ARID1B: variants seen among roughly 807,000 people sequenced by gnomAD.
ARID1B encodes the protein AT-rich interactive domain-containing protein 1B.
In ARID1B, 30 loss-of-function variants were observed where a neutral mutation model predicts 212.3. That is an observed-to-expected ratio of 0.14 (90% confidence interval 0.11 to 0.19). The LOEUF (loss-of-function observed/expected upper bound fraction) is 0.19. Ranked by LOEUF, ARID1B falls within the 10% of genes least tolerant of loss-of-function variation. The pLI is 1.00. For synonymous variants in ARID1B, 1,402 were observed against 1,301.7 expected, an observed-to-expected ratio of 1.08 and a Z score of -1.66; for missense variants, 2,891 against 3,204.0, an observed-to-expected ratio of 0.90 and a Z score of 2.36.
intron 4 of ARID1B, among the ~76,000 whole-genome samples, chr6:157,014,594 T>C (rs888294404): frequency 6.6e-6 from 1 of 152,220 alleles, no homozygotes; most frequent in African/African-American, 2.4e-5. Flanking sequence ...GCAGTTTTTT[T>C]CATCTCACCC....
chr6:156,981,152 G>A lies in ARID1B; in HGVS notation c.2247+45576G>A, dbSNP rs557146996. ...GTGAGCAGTGCTGGTGTGACTGTTA[G>A]AAAGCACTGACTTAGTCTCTTCCTC... On this transcript the variant is annotated intron_variant, in intron 4 of 19. Transcript: ENST00000636930. Among the ~76,000 whole-genome samples the A allele has an allele frequency of 2.6e-5, 4 of 152,322 alleles. No homozygotes were observed. The East Asian group carries it at 7.7e-4, about 29-fold the overall frequency.
At chr6:157,018,327 C>G (rs1430638081) in intron 4 of ARID1B, among the ~76,000 whole-genome samples, 2 of 137,010 alleles carry the variant, frequency 1.5e-5, no homozygotes, top group African/African-American at 5.4e-5. Context: ...AGTGATTGTT[C>G]TGCCTCAGCC....
chr6:157,131,024 G>A (rs1037228768), intron 6 of ARID1B, among the ~76,000 whole-genome samples: 1 of 152,128 alleles, frequency 6.6e-6, no homozygotes, highest in Non-Finnish European at 1.5e-5. Flanking sequence ...CTATGAACTC[G>A]CTTCCATTTG....
At position 156,967,000 on chromosome 6, in the gene ARID1B, A is replaced by AT. The variant is rs1562517008; in HGVS notation, c.2247+31425dup. Reference sequence around the variant, plus strand: ...CAGGCATGAGCCACCATGTCCTGCTATAAATAACTTTTAATAGGCTCTTTT... The same window carrying AT: ...CAGGCATGAGCCACCATGTCCTGCTATTAAATAACTTTTAATAGGCTCTTTT... On this transcript the variant is annotated intron_variant, in intron 4 of 19. Coordinates refer to ENST00000636930, the MANE Select transcript of ARID1B (RefSeq NM_001374828.1). Among the ~76,000 whole-genome samples the AT allele has an allele frequency of 1.9e-3, 290 of 152,322 alleles. 1 individual carries two copies. Among genetic ancestry groups the AT allele is most frequent in the African/African-American group, 6.4e-3 (265 of 41,574 alleles).
rs1184509363 is a variant in ARID1B, at chr6:157,186,361, A to G, written c.3919+1926A>G. 1.7e-5 allele frequency: 8 copies of G among 463,396 alleles called. No individual in the cohort carries two copies. The Admixed American group carries it at 1.9e-4, about 11-fold the overall frequency. The allele number at this position is 463,396 out of a possible 1,614,324, so 28.7% of individuals were successfully genotyped here. ...TGGTATACATTCTTCTCAGTAGTCC[A>G]GATGGAGCCGAGGGCCTGTGACACA... On this transcript the variant is annotated intron_variant, in intron 13 of 19. Coordinates refer to ENST00000636930, the MANE Select transcript of ARID1B (RefSeq NM_001374828.1).
chr6:156,856,135 C>T (rs1784913278), intron 2 of ARID1B, among the ~76,000 whole-genome samples: 1 of 152,102 alleles, frequency 6.6e-6, no homozygotes, highest in South Asian at 2.1e-4. Flanking sequence ...TAGAGCAGTG[C>T]CTGGAGTGAG....
chr6:157,162,637 T>G (rs1443855554), intron 8 of ARID1B, among the ~76,000 whole-genome samples: 4 of 152,322 alleles, frequency 2.6e-5, no homozygotes, highest in Non-Finnish European at 4.4e-5. Context: ...CCAACCAGAT[T>G]TAAATAAAGT....
At chr6:156,848,687 G>C (rs552106143) in intron 2 of ARID1B, among the ~76,000 whole-genome samples, 3 of 152,130 alleles carry the variant, frequency 2.0e-5, no homozygotes, top group Non-Finnish European at 4.4e-5. Context: ...AAAAATACCC[G>C]GTGTGTGGTC....
At chr6:156,912,251 C>T (rs1472867730) in intron 3 of ARID1B, among the ~76,000 whole-genome samples, 2 of 131,584 alleles carry the variant, frequency 1.5e-5, no homozygotes, top group East Asian at 2.8e-4. Context: ...GTGAATCAAA[C>T]CTCTTTTTTT....
At chr6:156,787,804 A>G (rs1779745412) in intron 1 of ARID1B, among the ~76,000 whole-genome samples, 3 of 152,056 alleles carry the variant, frequency 2.0e-5, no homozygotes, top group African/African-American at 7.2e-5. Context: ...TTCTATGATG[A>G]GGCATCCTGA....
At chr6:157,173,738 A>C (rs1364553428) in intron 9 of ARID1B, 3 of 269,602 alleles carry the variant, frequency 1.1e-5, no homozygotes, top group Non-Finnish European at 2.1e-5. Flanking sequence ...TTTTGAAAAA[A>C]TAATATTGAT....
At chr6:157,069,896 T>G (rs756072082) in intron 4 of ARID1B, among the ~76,000 whole-genome samples, 3 of 152,232 alleles carry the variant, frequency 2.0e-5, no homozygotes, top group Non-Finnish European at 2.9e-5. Context: ...CGTCCTAGCC[T>G]ATACGAATAA....
At chr6:157,095,004 T>G (rs974867818) in intron 5 of ARID1B, among the ~76,000 whole-genome samples, 7 of 152,142 alleles carry the variant, frequency 4.6e-5, no homozygotes, top group Non-Finnish European at 7.3e-5. Flanking sequence ...AAGGGAGGTT[T>G]TGAATAGGAG....
At position 156,777,875 on chromosome 6, in the gene ARID1B, C is replaced by G. The variant is rs1333686818; in HGVS notation, c.195C>G (p.Gly65=). 7.4e-7 allele frequency: 1 copy of G among 1,352,496 alleles called. No individual in the cohort carries two copies. Among genetic ancestry groups the G allele is most frequent in the South Asian group, 1.8e-5 (1 of 56,458 alleles). 83.8% of individuals were successfully genotyped at this position (1,352,496 alleles called of 1,614,324 possible). A position where few individuals can be genotyped will look rare whatever the true frequency, so the allele number is the denominator to read the frequency against. The change falls in exon 1 of 20, where the codon GGC becomes GGG. Residue 65 remains glycine (G), a synonymous_variant. Coordinates refer to ENST00000636930, the MANE Select transcript of ARID1B (RefSeq NM_001374828.1). ...GPMLGGGGDG[G]GGLNSVHHHP... ...TGCTGGGGGGCGGCGGCGACGGCGG[C>G]GGCGGCCTGAACAGTGTGCACCACC...
chr6:156,888,483 C>T (rs987365104), intron 2 of ARID1B, among the ~76,000 whole-genome samples: 1 of 152,144 alleles, frequency 6.6e-6, no homozygotes, highest in Non-Finnish European at 1.5e-5. Flanking sequence ...ATTTTGTAAT[C>T]CTTTTGCATT....
At position 157,148,689 on chromosome 6, in the gene ARID1B, G is replaced by A. The variant is rs542660265; in HGVS notation, c.2827G>A (p.Gly943Ser). 3.2e-5 allele frequency: 51 copies of A among 1,612,226 alleles called. No homozygotes were observed. Among genetic ancestry groups the A allele is most frequent in the Non-Finnish European group, 4.2e-5 (49 of 1,179,308 alleles). Residue 943 changes from glycine to serine, a missense_variant, in exon 8 of 20, where the codon GGT (glycine) becomes AGT (serine). By Grantham distance (56) the Gly-to-Ser change is moderately conservative (BLOSUM62 0). Around this residue, in one of 7 missense-constraint regions of ARID1B, gnomAD observed 1,643 missense variants for 1,544.0 expected, o/e 1.06. Coordinates refer to ENST00000636930, the MANE Select transcript of ARID1B (RefSeq NM_001374828.1). This position sits in a 1 kb window ranked among gnomAD's most constrained non-coding sequence, Gnocchi z 5.6. ...PSASYSGPGP[G>S]MGISANNQMH... Reference sequence around the variant, plus strand: ...TGCAAGCTACAGCGGCCCAGGGCCCGGTATGGGTATCAGTGCCAACAACCA... The same window carrying A: ...TGCAAGCTACAGCGGCCCAGGGCCCAGTATGGGTATCAGTGCCAACAACCA...
At chr6:156,905,550 A>G (rs1789308019) in intron 3 of ARID1B, among the ~76,000 whole-genome samples, 1 of 152,208 alleles carries the variant, frequency 6.6e-6, no homozygotes, top group African/African-American at 2.4e-5. Context: ...ACCTTCCAAG[A>G]TCACATGTAA....
chr6:156,905,210 T>C (rs532268238), intron 3 of ARID1B, among the ~76,000 whole-genome samples: 10 of 149,186 alleles, frequency 6.7e-5, no homozygotes, highest in Non-Finnish European at 1.5e-4. Flanking sequence ...ATCAATAGAA[T>C]AGAATAATAG....
At position 157,203,822 on chromosome 6, in the gene ARID1B, A is replaced by G. The variant is rs1562348861; in HGVS notation, c.5264-44A>G. On this transcript the variant is annotated intron_variant, in intron 18 of 19. Coordinates refer to ENST00000636930, the MANE Select transcript of ARID1B (RefSeq NM_001374828.1). The surrounding 1 kb of genome is among the most constrained non-coding windows in gnomAD (Gnocchi z 4.4). The stretch of plus-strand genomic sequence containing the variant: ...TTCGTTAACTTTCGTTCTTTCATGC[A>G]TAGAGTCAACATTCATGATATCCTT... 1.2e-6 allele frequency: 2 copies of G among 1,611,088 alleles called. No homozygotes were observed. The highest frequency in any genetic ancestry group is 1.1e-5 in the South Asian group (1 of 90,824).
Sources: gnomAD v4.1 joint callset for allele counts (sites outside exome capture counted in the v4.1 genomes callset) on GRCh38, gnomAD v4.1.1 for gene constraint, gnomAD v4.1.1 regional missense constraint, Gnocchi (gnomAD v3.1) non-coding constraint, MANE v1.5 for transcripts, NCBI Gene and HGNC (gene_info 2026-07-23, HGNC 2026-07-21) for gene names.